SNX29: variants seen among roughly 807,000 people sequenced by gnomAD.
SNX29 encodes the protein sorting nexin 29.
A neutral mutation model predicts 102.1 loss-of-function variants in SNX29; 78 were observed. The ratio of observed to expected loss-of-function variants is 0.76; its 90% confidence interval spans 0.64 to 0.92. SNX29 has a LOEUF of 0.92. SNX29 is among the 40% of genes least tolerant of loss of function. The pLI, the probability that SNX29 is intolerant of heterozygous loss-of-function variation, is 0.00. For missense variants in SNX29, 1,280 were observed against 1,061.7 expected (o/e 1.21, Z -2.86); for synonymous variants, 580 against 414.5 (o/e 1.40, Z -4.85).
chr16:12,541,019 C>T (rs1597838687), intron 20 of SNX29, among the ~76,000 whole-genome samples: 1 of 152,182 alleles, frequency 6.6e-6, no homozygotes, highest in Non-Finnish European at 1.5e-5. Context: ...CCTGGGACAG[C>T]AACAACTGGT....
intron 20 of SNX29, among the ~76,000 whole-genome samples, chr16:12,551,050 G>A (rs189955918): frequency 2.6e-4 from 40 of 151,510 alleles, no homozygotes; most frequent in African/African-American, 9.3e-4. Context: ...TCATCCAGAT[G>A]AAGGAAGTGG....
At chr16:12,191,722 A>C (rs2076647631) in intron 13 of SNX29, among the ~76,000 whole-genome samples, 1 of 151,956 alleles carries the variant, frequency 6.6e-6, no homozygotes, top group African/African-American at 2.4e-5. Flanking sequence ...TGGTTTTTCA[A>C]CATTGGTTGT....
chr16:12,234,632 T>C (rs1022580197), intron 14 of SNX29, among the ~76,000 whole-genome samples: 2 of 152,224 alleles, frequency 1.3e-5, no homozygotes, highest in African/African-American at 4.8e-5. Flanking sequence ...AGTTTGTCTT[T>C]AAAGCAGTGT....
At chr16:12,292,510 T>C (rs573565904) in intron 15 of SNX29, among the ~76,000 whole-genome samples, 1 of 152,326 alleles carries the variant, frequency 6.6e-6, no homozygotes, top group East Asian at 1.9e-4. Context: ...CAGCCAGTCA[T>C]TTCAGACCCA....
At chr16:12,108,740 A>G (rs181787062) in intron 11 of SNX29, among the ~76,000 whole-genome samples, 107 of 152,278 alleles carry the variant, frequency 7.0e-4, no homozygotes, top group African/African-American at 2.5e-3. Context: ...ACCCAGCCTG[A>G]GCCCTGAAGC....
chr16:12,363,135 G>A (rs1482571221), intron 16 of SNX29, among the ~76,000 whole-genome samples: 1 of 152,192 alleles, frequency 6.6e-6, no homozygotes, highest in African/African-American at 2.4e-5. Context: ...GTCACTAAGG[G>A]CCTGAAGGCT....
At chr16:12,088,285 G>A (rs76370896) in intron 11 of SNX29, 69 of 361,714 alleles carry the variant, frequency 1.9e-4, no homozygotes, top group Non-Finnish European at 3.3e-4. Flanking sequence ...GAGCAGGGGC[G>A]GGTGTTGGGT....
At chr16:12,170,140 C>A (rs1275862497) in intron 13 of SNX29, among the ~76,000 whole-genome samples, 2 of 152,012 alleles carry the variant, frequency 1.3e-5, no homozygotes, top group Non-Finnish European at 2.9e-5. Flanking sequence ...CTAAAGAAGT[C>A]TCCAGATGTT....
At chr16:12,065,104 C>G (rs951301098) in intron 9 of SNX29, among the ~76,000 whole-genome samples, 2 of 152,148 alleles carry the variant, frequency 1.3e-5, no homozygotes, top group Non-Finnish European at 2.9e-5. Flanking sequence ...AAGGAGTTCT[C>G]TTGAATCTTG....
chr16:12,436,168 C>CCG (rs777668556), intron 18 of SNX29, among the ~76,000 whole-genome samples: 23 of 152,284 alleles, frequency 1.5e-4, no homozygotes, highest in Non-Finnish European at 2.5e-4. Flanking sequence ...CTGGCGATGC[C>CCG]CGAGACCCCT....
At chr16:12,045,809 G>C (rs994856097) in intron 5 of SNX29, among the ~76,000 whole-genome samples, 18 of 151,930 alleles carry the variant, frequency 1.2e-4, no homozygotes, top group African/African-American at 4.4e-4. Flanking sequence ...ATTTTTAGTA[G>C]AGATGGGGTT....
chr16:12,089,277 A>G (rs374958682), intron 11 of SNX29, among the ~76,000 whole-genome samples: 25 of 152,140 alleles, frequency 1.6e-4, no homozygotes, highest in Middle Eastern at 6.8e-3. Context: ...GCTTTAGTGA[A>G]TAATGATTAT....
intron 9 of SNX29, 81 bp from the exon 10 acceptor site, chr16:12,068,976 A>G (rs1325784223): frequency 2.2e-6 from 3 of 1,335,560 alleles, no homozygotes; most frequent in East Asian, 4.7e-5. Flanking sequence ...AGATGAGCCA[A>G]TGTCTGCATT....
At chr16:12,557,412 CTG>C (rs1482822804) in intron 20 of SNX29, 2 of 152,160 alleles carry the variant, frequency 1.3e-5, no homozygotes, top group Admixed American at 6.5e-5. Context: ...GCTTTTGAGA[CTG>C]AGTTTGGCAT....
At chr16:12,231,574 C>G (rs924027058) in intron 14 of SNX29, among the ~76,000 whole-genome samples, 1 of 151,984 alleles carries the variant, frequency 6.6e-6, no homozygotes. Context: ...AAAACTTTTA[C>G]TATACTGTAA....
At chr16:12,048,936 T>C (rs1314803855) in intron 7 of SNX29, among the ~76,000 whole-genome samples, 1 of 152,200 alleles carries the variant, frequency 6.6e-6, no homozygotes, top group Non-Finnish European at 1.5e-5. Context: ...TTCATCGTAT[T>C]CTGTGTGTTA....
intron 19 of SNX29, among the ~76,000 whole-genome samples, chr16:12,505,194 C>G (rs967485820): frequency 7.2e-5 from 11 of 152,184 alleles, no homozygotes; most frequent in South Asian, 2.1e-4. Flanking sequence ...TTCATTCCAT[C>G]TAGGAGTGGA....
At chr16:12,187,479 C>T (rs759005018) in intron 13 of SNX29, among the ~76,000 whole-genome samples, 22 of 151,060 alleles carry the variant, frequency 1.5e-4, no homozygotes, top group Non-Finnish European at 2.9e-4. Flanking sequence ...ACCCAGGAGG[C>T]GGAGGTTGCT....
intron 19 of SNX29, among the ~76,000 whole-genome samples, chr16:12,520,921 G>C (rs556736512): frequency 6.6e-6 from 1 of 152,162 alleles, no homozygotes; most frequent in African/African-American, 2.4e-5. Context: ...GTTCAAGGCC[G>C]GGTGCAGTAG....
Sources: allele counts gnomAD v4.1 joint callset (sites outside exome capture counted in the v4.1 genomes callset), GRCh38; gene constraint gnomAD v4.1.1; transcripts MANE v1.5; gene names NCBI Gene and HGNC (gene_info 2026-07-23, HGNC 2026-07-21).